Variants in FGD4 observed in about 807,000 individuals in gnomAD.
FGD4 encodes the protein FYVE, RhoGEF and PH domain containing 4, also known as FYVE, RhoGEF and PH domain-containing protein 4.
Under a neutral mutation model 102.0 loss-of-function variants are expected in FGD4, and 42 were observed. The observed-to-expected ratio is 0.41, with a 90% confidence interval of 0.32 to 0.53. The LOEUF is 0.53. FGD4 is among the 20% of genes least tolerant of loss of function. The pLI is 0.21. For synonymous variants in FGD4, 380 were observed against 375.7 expected (o/e 1.01, Z -0.13); for missense variants, 902 against 1,078.2 (o/e 0.84, Z 2.29).
At chr12:32,558,257 G>GTGGTTAT (rs201122375) in intron 1 of FGD4, among the ~76,000 whole-genome samples, 1,673 of 152,296 alleles carry the variant, frequency 0.011, 37 homozygotes, top group African/African-American at 0.038. Flanking sequence ...TGCAAATAAA[G>GTGGTTAT]TGGTTTTTGG....
At chr12:32,534,329 A>G (rs1019009167) in intron 1 of FGD4, 1 of 1,404,720 alleles carries the variant, frequency 7.1e-7, no homozygotes, top group Non-Finnish European at 9.2e-7. Context: ...GTCATAGTGC[A>G]TTGGTCTGAG....
chr12:32,497,021 T>G (rs1937863870), intron 1 of FGD4, among the ~76,000 whole-genome samples: 2 of 152,220 alleles, frequency 1.3e-5, no homozygotes, highest in African/African-American at 4.8e-5. Flanking sequence ...CATTGGTAGA[T>G]CTGGGTGAGT....
At chr12:32,472,256 G>A (rs544447497) in intron 1 of FGD4, among the ~76,000 whole-genome samples, 63 of 152,348 alleles carry the variant, frequency 4.1e-4, no homozygotes, top group South Asian at 1.2e-3. Flanking sequence ...GCCAAGGCCG[G>A]AGCCCACTCC....
rs567059466 is a variant in FGD4 at position 32,434,927 on chromosome 12, A to T, written c.166+34968A>T. 2.6e-5 allele frequency among the ~76,000 whole-genome samples: 4 copies of T among 151,156 alleles called. No individual in the cohort carries two copies. The South Asian group carries it at 8.4e-4, about 32-fold the overall frequency. On this transcript the variant is annotated intron_variant, in intron 1 of 16. Transcript: ENST00000534526. ...TTTCTGAGAGGAGCAGCTTCGCTTCATTTCTTTTCTTTCCTTCTTTTCTTT... is the reference window on the plus strand; with the variant it reads ...TTTCTGAGAGGAGCAGCTTCGCTTCTTTTCTTTTCTTTCCTTCTTTTCTTT...
At chr12:32,527,080 C>A (rs188509039) in intron 1 of FGD4, among the ~76,000 whole-genome samples, 2 of 151,946 alleles carry the variant, frequency 1.3e-5, no homozygotes, top group African/African-American at 4.8e-5. Flanking sequence ...CGGTAAGTTA[C>A]CAAAATTTGA....
In FGD4 at chr12:32,474,099, A is replaced by C. The variant is rs944095938; in HGVS notation, c.166+74140A>C. ...CGAGACTCTGTCTCAAAAAAAAAAA[A>C]CAAAAAGTATTCGGGGCTGTGGAGA... is the stretch of plus-strand genomic sequence containing the variant. On this transcript the variant is annotated intron_variant, in intron 1 of 16. Coordinates refer to ENST00000534526, the MANE Select transcript of FGD4 (RefSeq NM_001370298.3). 3.9e-5 allele frequency among the ~76,000 whole-genome samples: 6 copies of C among 152,008 alleles called. 1 individual carries two copies. In the South Asian group the frequency reaches 8.3e-4, roughly 21 times the overall value.
In FGD4 at chr12:32,432,090, C is replaced by T. The variant is rs527333823; in HGVS notation, c.166+32131C>T. ...TTTTTTTTTTTTTTAGACAGAGTCTCGCTCTGTTGCCCAGGCTGGAGTGTA... is the reference window on the plus strand; with the variant it reads ...TTTTTTTTTTTTTTAGACAGAGTCTTGCTCTGTTGCCCAGGCTGGAGTGTA... On this transcript the variant is annotated intron_variant, in intron 1 of 16. Transcript: ENST00000534526. Among the ~76,000 whole-genome samples, 451 of 139,504 alleles carry T rather than the reference C, an allele frequency of 3.2e-3. 3 individuals carry two copies. The highest frequency in any genetic ancestry group is 9.9e-3 in the African/African-American group (376 of 38,112). The allele number at this position is 139,504 out of a possible 152,430, so 91.5% of individuals were successfully genotyped here.
intron 2 of FGD4, among the ~76,000 whole-genome samples, chr12:32,572,115 C>T (rs1035329679): frequency 5.3e-5 from 8 of 151,770 alleles, no homozygotes; most frequent in African/African-American, 1.5e-4. Context: ...TACACACACA[C>T]GCATAAAAGA....
intron 11 of FGD4, among the ~76,000 whole-genome samples, chr12:32,620,810 A>C (rs1224624841): frequency 3.5e-5 from 5 of 143,648 alleles, no homozygotes; most frequent in Non-Finnish European, 7.5e-5. Flanking sequence ...CCATTCTCCT[A>C]CCTCAGCCTC....
rs149303772 is a variant in FGD4, at chr12:32,426,646, C to T, written c.166+26687C>T. On this transcript the variant is annotated intron_variant, in intron 1 of 16. Coordinates refer to ENST00000534526, the MANE Select transcript of FGD4 (RefSeq NM_001370298.3). Reference sequence around the variant, plus strand: ...ATAGTTTCGGAAGGAATGGTACCAGCTCCTCTTTGTACCTCTGGTAGAGTT... The same window carrying T: ...ATAGTTTCGGAAGGAATGGTACCAGTTCCTCTTTGTACCTCTGGTAGAGTT... Among the ~76,000 whole-genome samples the T allele has an allele frequency of 2.7e-3, 406 of 152,264 alleles. 6 individuals carry two copies. Among genetic ancestry groups the T allele is most frequent in the African/African-American group, 9.5e-3 (395 of 41,546 alleles).
At position 32,410,760 on chromosome 12, in the gene FGD4, C is replaced by A. The variant is rs565460172; in HGVS notation, c.166+10801C>A. On this transcript the variant is annotated intron_variant, in intron 1 of 16. Coordinates refer to ENST00000534526, the MANE Select transcript of FGD4 (RefSeq NM_001370298.3). Reference sequence around the variant, plus strand: ...TGGAAACCAGGGAGCTACCACAGTTCTGGGAACCGCACTGAGCCTCAGTGC... The same window carrying A: ...TGGAAACCAGGGAGCTACCACAGTTATGGGAACCGCACTGAGCCTCAGTGC... 9.2e-5 allele frequency among the ~76,000 whole-genome samples: 14 copies of A among 152,228 alleles called. No homozygotes were observed. In the East Asian group the frequency reaches 2.7e-3, roughly 29 times the overall value.
rs1341820209 is a variant in FGD4, at chr12:32,625,912, A to AG, written c.2172+134dup. On this transcript the variant is annotated intron_variant, in intron 14 of 16. Coordinates refer to ENST00000534526, the MANE Select transcript of FGD4 (RefSeq NM_001370298.3). Reference sequence around the variant, plus strand: ...ATTTATTTTGGTGCCAATTACGTGCAGAGGACTGTGCTGAGCCCTGGAGAA... The same window carrying AG: ...ATTTATTTTGGTGCCAATTACGTGCAGGAGGACTGTGCTGAGCCCTGGAGAA... The AG allele has an allele frequency of 2.4e-6, 3 of 1,228,136 alleles. No individual in the cohort carries two copies. In the Admixed American group the frequency reaches 5.2e-5, roughly 21 times the overall value. 76.1% of individuals were successfully genotyped at this position (1,228,136 alleles called of 1,614,324 possible).
intron 1 of FGD4, among the ~76,000 whole-genome samples, chr12:32,480,454 G>A (rs1398410530): frequency 3.3e-5 from 5 of 151,394 alleles, no homozygotes; most frequent in African/African-American, 1.2e-4. Flanking sequence ...GAGCCACAAC[G>A]CCCAACCTGT....
intron 1 of FGD4, among the ~76,000 whole-genome samples, chr12:32,526,467 A>G (rs1005758922): frequency 6.6e-6 from 1 of 151,910 alleles, no homozygotes; most frequent in Non-Finnish European, 1.5e-5. Context: ...TATCTAACTA[A>G]TCTGATGGGG....
chr12:32,615,297 G>T (rs1949381268), intron 10 of FGD4, among the ~76,000 whole-genome samples: 1 of 151,974 alleles, frequency 6.6e-6, no homozygotes, highest in South Asian at 2.1e-4. Flanking sequence ...TGTAATTGGT[G>T]GTTCCCTAAG....
At chr12:32,538,057 T>C (rs2136109189) in intron 1 of FGD4, among the ~76,000 whole-genome samples, 1 of 152,220 alleles carries the variant, frequency 6.6e-6, no homozygotes, top group South Asian at 2.1e-4. Context: ...CCACCATGCC[T>C]GGCTACTTTT....
intron 1 of FGD4, among the ~76,000 whole-genome samples, chr12:32,453,203 TATA>T (rs1942838855): frequency 3.6e-4 from 10 of 28,002 alleles, no homozygotes; most frequent in South Asian, 1.5e-3. Flanking sequence ...ATATATATTA[TATA>T]TATATATATA....
intron 1 of FGD4, among the ~76,000 whole-genome samples, chr12:32,550,179 C>G (rs1943537099): frequency 6.6e-6 from 1 of 152,002 alleles, no homozygotes; most frequent in South Asian, 2.1e-4. Context: ...GTACCTGGCA[C>G]TTTTAATTAA....
chr12:32,486,321 C>G (rs1245645560), intron 1 of FGD4, among the ~76,000 whole-genome samples: 1 of 152,110 alleles, frequency 6.6e-6, no homozygotes, highest in East Asian at 1.9e-4. Context: ...TAGAGTAGTT[C>G]AGTGCTGTGG....
Sources: allele counts gnomAD v4.1 joint callset (sites outside exome capture counted in the v4.1 genomes callset), GRCh38; gene constraint gnomAD v4.1.1; transcripts MANE v1.5; gene names NCBI Gene and HGNC (gene_info 2026-07-23, HGNC 2026-07-21).